Variants in NBAS observed in about 807,000 individuals in gnomAD.
NBAS encodes the protein NAG/BC035112 fusion.
NBAS carries 219 observed loss-of-function variants against 302.5 expected under a neutral mutation model. The observed-to-expected ratio is 0.72, with a 90% CI of 0.65 to 0.81. NBAS has a LOEUF of 0.81. Ranked by LOEUF, NBAS falls within the 30% of genes least tolerant of loss-of-function variation. NBAS has a pLI of 0.00. For missense variants in NBAS, 2,932 were observed against 2,841.6 expected (o/e 1.03, Z -0.72); for synonymous variants, 1,118 against 1,021.6 (o/e 1.09, Z -1.80).
intron 6 of NBAS, among the ~76,000 whole-genome samples, chr2:15,541,331 C>T (rs544535302): frequency 2.6e-5 from 4 of 152,090 alleles, no homozygotes; most frequent in South Asian, 2.1e-4. Context: ...ACCTATGTCT[C>T]TCAGAAAAAA....
At chr2:14,849,105 G>A in the NBAS span, among the ~76,000 whole-genome samples, 1 of 147,536 alleles carries the variant, frequency 6.8e-6, no homozygotes, top group African/African-American at 2.5e-5. Flanking sequence ...AGAGAAGAAG[G>A]CTTCAGACGA....
the NBAS span, among the ~76,000 whole-genome samples, chr2:14,944,218 T>C: frequency 6.6e-6 from 1 of 152,126 alleles, no homozygotes; most frequent in African/African-American, 2.4e-5. Flanking sequence ...GAGAATGGCG[T>C]GAACCCGGGA....
the NBAS span, among the ~76,000 whole-genome samples, chr2:14,807,369 ATACCTCCAACAAAATAATTATCCATAGC>A: frequency 6.6e-6 from 1 of 152,106 alleles, no homozygotes; most frequent in South Asian, 2.1e-4. Flanking sequence ...TTTTTTCCAG[ATACCTCCAACAAAATAATTATCCATAGC>A]TCTTTATAGC....
At chr2:15,171,399 T>C (rs1664284047) in intron 51 of NBAS, among the ~76,000 whole-genome samples, 1 of 152,250 alleles carries the variant, frequency 6.6e-6, no homozygotes, top group African/African-American at 2.4e-5. Context: ...ATGATATTTG[T>C]ATTCTATTTT....
intron 19 of NBAS, 23 bp from the exon 20 acceptor site, chr2:15,461,814 G>C (rs1314924539): frequency 7.4e-7 from 1 of 1,348,866 alleles, no homozygotes; most frequent in Non-Finnish European, 1.1e-6. Flanking sequence ...TTAATGAAAA[G>C]TGATTTAATG....
intron 16 of NBAS, among the ~76,000 whole-genome samples, chr2:15,469,673 T>C (rs1254368763): frequency 1.3e-5 from 2 of 152,088 alleles, no homozygotes. Flanking sequence ...AAGGATGAGT[T>C]CACATCCTGT....
chr2:15,151,912 A>G, the NBAS span, among the ~76,000 whole-genome samples: 2 of 152,094 alleles, frequency 1.3e-5, no homozygotes, highest in Admixed American at 1.3e-4. Context: ...CAGTGGCGCA[A>G]TCTCGGCTCA....
At chr2:14,839,277 C>T in the NBAS span, among the ~76,000 whole-genome samples, 2 of 152,016 alleles carry the variant, frequency 1.3e-5, no homozygotes, top group East Asian at 3.9e-4. Context: ...CTATCTGGCA[C>T]CAAGCACATG....
chr2:15,018,015 T>C, the NBAS span, among the ~76,000 whole-genome samples: 36 of 152,070 alleles, frequency 2.4e-4, no homozygotes, highest in African/African-American at 8.2e-4. Context: ...GAGGACATTA[T>C]GTTAAGCAAA....
the NBAS span, among the ~76,000 whole-genome samples, chr2:15,005,804 C>T: frequency 1.3e-5 from 2 of 152,186 alleles, no homozygotes; most frequent in East Asian, 3.9e-4. Context: ...TGATACCAGG[C>T]AGTGTGATAG....
intron 25 of NBAS, among the ~76,000 whole-genome samples, chr2:15,404,897 G>C (rs769380373): frequency 2.6e-5 from 4 of 152,116 alleles, no homozygotes; most frequent in Non-Finnish European, 5.9e-5. Context: ...TCCTTTAACA[G>C]TCCTTCAATA....
intron 26 of NBAS, 81 bp from the exon 27 acceptor site, chr2:15,396,556 G>A: frequency 1.1e-6 from 1 of 924,298 alleles, no homozygotes; most frequent in Non-Finnish European, 1.6e-6. Context: ...TTAATGAAGT[G>A]AAAAAAAGAT....
intron 6 of NBAS, among the ~76,000 whole-genome samples, chr2:15,546,446 C>T (rs1199659677): frequency 1.3e-5 from 2 of 152,162 alleles, no homozygotes; most frequent in East Asian, 1.9e-4. Context: ...CTGGGTGTTT[C>T]AGTCGGGCAT....
chr2:14,993,890 C>A, the NBAS span, among the ~76,000 whole-genome samples: 72 of 152,264 alleles, frequency 4.7e-4, no homozygotes, highest in African/African-American at 1.5e-3. Flanking sequence ...CAACACAGTT[C>A]CATTCACTGT....
At chr2:15,144,540 C>T in the NBAS span, among the ~76,000 whole-genome samples, 6 of 152,192 alleles carry the variant, frequency 3.9e-5, no homozygotes, top group Non-Finnish European at 8.8e-5. Flanking sequence ...AGACAGGAGT[C>T]GCTACACAAT....
At chr2:15,423,572 T>C (rs1325601389) in intron 23 of NBAS, among the ~76,000 whole-genome samples, 1 of 152,184 alleles carries the variant, frequency 6.6e-6, no homozygotes, top group African/African-American at 2.4e-5. Context: ...CCTCCCATGG[T>C]ACTGCTGCTC....
At chr2:15,088,661 G>A in the NBAS span, among the ~76,000 whole-genome samples, 10,410 of 152,230 alleles carry the variant, frequency 0.068, 857 homozygotes, top group African/African-American at 0.18. Context: ...GCTTTCCCTC[G>A]GTGCTTCCTA....
At chr2:15,162,210 T>C (rs1663916201), downstream of NBAS, among the ~76,000 whole-genome samples, 2 of 152,228 alleles carry the variant, frequency 1.3e-5, no homozygotes, top group Admixed American at 1.3e-4. Context: ...ACAGGCGCGT[T>C]GTTTGTCAAG....
At chr2:15,393,804 A>C in intron 28 of NBAS, 1 of 451,856 alleles carries the variant, frequency 2.2e-6, no homozygotes, top group African/African-American at 2.0e-5. Context: ...CACAACATGG[A>C]TGAATCACAA....
Sources: allele counts gnomAD v4.1 joint callset (sites outside exome capture counted in the v4.1 genomes callset), GRCh38; gene constraint gnomAD v4.1.1; transcripts MANE v1.5; gene names NCBI Gene and HGNC (gene_info 2026-07-23, HGNC 2026-07-21).